COL11A1: variants seen among roughly 807,000 people sequenced by gnomAD.
COL11A1 encodes collagen alpha-1(XI) chain.
A neutral mutation model predicts 265.2 loss-of-function variants in COL11A1; 74 were observed. That is an observed-to-expected ratio of 0.28 (90% CI 0.23 to 0.34). The LOEUF (loss-of-function observed/expected upper bound fraction) is 0.34, where lower values mean the gene tolerates loss of function less well. Ranked by LOEUF, COL11A1 falls within the 10% of genes least tolerant of loss-of-function variation. The pLI, the probability that COL11A1 is intolerant of heterozygous loss-of-function variation, is 1.00. For synonymous variants in COL11A1, 816 were observed against 727.6 expected, an observed-to-expected ratio of 1.12 and a Z score of -1.96; for missense variants, 2,165 against 2,263.6, an observed-to-expected ratio of 0.96 and a Z score of 0.88.
intron 58 of COL11A1, 125 bp downstream of exon 58, chr1:102,890,326 T>C (rs568159436): frequency 1.9e-5 from 17 of 872,212 alleles, no homozygotes; most frequent in Admixed American, 2.7e-5. Context: ...GATTGAAGCT[T>C]TTTTCAGGGT....
At chr1:102,974,721 C>T (rs1662297958) in intron 36 of COL11A1, 109 bp downstream of exon 36, 2 of 805,616 alleles carry the variant, frequency 2.5e-6, no homozygotes, top group Non-Finnish European at 2.0e-6. Flanking sequence ...TGTAATTTTA[C>T]AGAGATTTTA....
At chr1:102,925,685 AAATTTTAGGTTCTAAATCAGTC>A (rs1656518251) in intron 46 of COL11A1, among the ~76,000 whole-genome samples, 1 of 151,970 alleles carries the variant, frequency 6.6e-6, no homozygotes, top group African/African-American at 2.4e-5. Flanking sequence ...TGACTGCAAA[AAATTTTAGGTTCTAAATCAGTC>A]AATTTCAGAA....
At position 102,912,145 on chromosome 1, in the gene COL11A1, T is replaced by A; in HGVS notation, c.4086+14A>T. The A allele has an allele frequency of 6.2e-7, 1 of 1,603,556 alleles. No individual in the cohort carries two copies. On this transcript the variant is annotated intron_variant, in intron 54 of 66. Coordinates refer to ENST00000370096, the MANE Select transcript of COL11A1 (RefSeq NM_001854.4). ...ATGAGCATATGTTTCAAATAAAGAA[T>A]TAAAGAAACTTACTCGTTTTCCAGG...
intron 4 of COL11A1, among the ~76,000 whole-genome samples, chr1:103,047,704 A>G (rs1669416569): frequency 6.6e-6 from 1 of 151,784 alleles, no homozygotes; most frequent in African/African-American, 2.4e-5. Flanking sequence ...GAATGCTTCC[A>G]GTTTTTGCCC....
intron 41 of COL11A1, among the ~76,000 whole-genome samples, chr1:102,960,905 AACTG>A (rs1660845862): frequency 6.6e-6 from 1 of 152,160 alleles, no homozygotes; most frequent in Non-Finnish European, 1.5e-5. Context: ...CTATAGGTGA[AACTG>A]ACTGAAGGGG....
chr1:103,063,945 T>C (rs1257663963), intron 4 of COL11A1, among the ~76,000 whole-genome samples: 2 of 152,158 alleles, frequency 1.3e-5, no homozygotes, highest in Non-Finnish European at 2.9e-5. Context: ...AGTAAGCCTA[T>C]GAAAATATGT....
chr1:102,968,881 T>C (rs1661688911), intron 37 of COL11A1, among the ~76,000 whole-genome samples: 1 of 152,214 alleles, frequency 6.6e-6, no homozygotes, highest in African/African-American at 2.4e-5. Flanking sequence ...GATTAAATCA[T>C]AGACATAAAG....
intron 37 of COL11A1, among the ~76,000 whole-genome samples, chr1:102,967,086 C>T (rs1472189168): frequency 6.6e-6 from 1 of 152,056 alleles, no homozygotes; most frequent in African/African-American, 2.4e-5. Flanking sequence ...AATACAGCTT[C>T]TTCTCTCTTA....
intron 4 of COL11A1, among the ~76,000 whole-genome samples, chr1:103,042,764 C>T (rs959169626): frequency 6.6e-6 from 1 of 151,780 alleles, no homozygotes; most frequent in Non-Finnish European, 1.5e-5. Flanking sequence ...GAAGGTAATG[C>T]TAATTACTAG....
intron 4 of COL11A1, among the ~76,000 whole-genome samples, chr1:103,066,861 A>G (rs2102235340): frequency 6.6e-6 from 1 of 152,068 alleles, no homozygotes; most frequent in Admixed American, 6.5e-5. Flanking sequence ...TAGCATTCAA[A>G]TTGTAGGTTA....
intron 29 of COL11A1, 145 bp downstream of exon 29, chr1:102,989,373 T>G (rs931890209): frequency 1.8e-5 from 8 of 443,836 alleles, no homozygotes; most frequent in Non-Finnish European, 2.8e-5. Context: ...CCTTAAATCT[T>G]TGTATAAAAA....
At chr1:102,982,030 T>C (rs1311596770) in intron 31 of COL11A1, among the ~76,000 whole-genome samples, 1 of 151,956 alleles carries the variant, frequency 6.6e-6, no homozygotes, top group Non-Finnish European at 1.5e-5. Context: ...AAGCTATCTT[T>C]CATTTTGGAT....
chr1:103,041,810 T>A (rs1668832362), intron 4 of COL11A1, among the ~76,000 whole-genome samples: 1 of 151,984 alleles, frequency 6.6e-6, no homozygotes, highest in African/African-American at 2.4e-5. Context: ...CAGTAAACGA[T>A]GGAAGGCTTG....
chr1:103,017,574 T>C (rs1666664988), intron 11 of COL11A1, among the ~76,000 whole-genome samples: 1 of 152,154 alleles, frequency 6.6e-6, no homozygotes, highest in Non-Finnish European at 1.5e-5. Context: ...TGAGTTCATA[T>C]CAATATGGAT....
Position 103,001,983 on chromosome 1 carries a change from A to G in COL11A1, c.2098-14T>C. 1 of 1,607,144 alleles carries G rather than the reference A, an allele frequency of 6.2e-7. No individual in the cohort carries two copies. Among genetic ancestry groups the G allele is most frequent in the Non-Finnish European group, 8.5e-7 (1 of 1,173,858 alleles). ...ACCAGGAAGACCCTATTTTAAAAGA[A>G]TTTATTTCATATATCAGATATCAAA... On this transcript the variant is annotated splice_polypyrimidine_tract_variant and intron_variant, in intron 23 of 66. Coordinates refer to ENST00000370096, the MANE Select transcript of COL11A1 (RefSeq NM_001854.4).
intron 18 of COL11A1, 98 bp downstream of exon 18, chr1:103,005,740 A>C: frequency 7.0e-7 from 1 of 1,421,078 alleles, no homozygotes; most frequent in Non-Finnish European, 9.9e-7. Context: ...CACAAACGTT[A>C]AAATTAATTT....
At position 103,026,247 on chromosome 1, in the gene COL11A1, G is replaced by A. The variant is rs1225702213; in HGVS notation, c.866C>T (p.Thr289Ile). ...KEAESVTEGP[T>I]VTEETIAQTE... ...CTGTGCTATTGTCTCCTCAGTTACA[G>A]TGGGTCCCTCTGTTACACTTTCAGC... Residue 289 changes from threonine (T) to isoleucine (I), a missense_variant, in exon 6 of 67, where the codon ACT (threonine) becomes ATT (isoleucine). Physicochemically the swap from Thr to Ile is moderately conservative, Grantham distance 89 (BLOSUM62 -1). Coordinates refer to ENST00000370096, the MANE Select transcript of COL11A1 (RefSeq NM_001854.4). The A allele has an allele frequency of 3.1e-6, 5 of 1,613,318 alleles. No individual in the cohort carries two copies. The highest frequency in any genetic ancestry group is 4.2e-6 in the Non-Finnish European group (5 of 1,179,434).
rs183472777 is a variant in COL11A1 at position 102,947,424 on chromosome 1, G to A, written c.3169-468C>T. 2.2e-4 allele frequency among the ~76,000 whole-genome samples: 34 copies of A among 151,930 alleles called. No homozygotes were observed. In the East Asian group the frequency reaches 6.0e-3, roughly 27 times the overall value. ...CCAAGGTTTCAAAATAAAAAAAATG[G>A]GTTCAGAAATTCTTTGCATTAGGAT... On this transcript the variant is annotated intron_variant, in intron 41 of 66. Transcript: ENST00000370096.
chr1:102,876,816 C>T lies in COL11A1; in HGVS notation c.*1203G>A, dbSNP rs190577885. The T allele has an allele frequency of 5.4e-3, 818 of 152,186 alleles. 4 individuals are homozygous for T. The highest frequency in any genetic ancestry group is 8.2e-3 in the Non-Finnish European group (555 of 67,924). The allele number at this position is 152,186 out of a possible 1,614,324, so 9.4% of individuals were successfully genotyped here. A position where few individuals can be genotyped will look rare whatever the true frequency, so the allele number is the denominator to read the frequency against. Reference sequence around the variant, plus strand: ...TAGTGGAAAAAAAAGTTTAGATTTTCCTGAATGACTTAAAACAAATACTCT... The same window carrying T: ...TAGTGGAAAAAAAAGTTTAGATTTTTCTGAATGACTTAAAACAAATACTCT... On this transcript the variant is annotated 3_prime_UTR_variant, in exon 67 of 67. Transcript: ENST00000370096.
Sources: allele counts gnomAD v4.1 joint callset (sites outside exome capture counted in the v4.1 genomes callset), GRCh38; gene constraint gnomAD v4.1.1; transcripts MANE v1.5; gene names NCBI Gene and HGNC (gene_info 2026-07-23, HGNC 2026-07-21).